The following CPED1 variants were observed in gnomAD, a reference collection of about 807,000 sequenced individuals.
CPED1 encodes cadherin like and PC-esterase domain containing 1.
Under a neutral mutation model 128.2 loss-of-function variants are expected in CPED1, and 114 were observed. The observed-to-expected ratio is 0.89, with a 90% CI of 0.76 to 1.04. The LOEUF is 1.04. Among genes scored for constraint, CPED1 ranks in the 50% least tolerant of loss-of-function variants. The pLI, the probability that CPED1 is intolerant of heterozygous loss-of-function variation, is 0.00. For missense variants in CPED1, 1,211 were observed against 1,207.1 expected, an observed-to-expected ratio of 1.00 and a Z score of -0.05; for synonymous variants, 462 against 426.7, an observed-to-expected ratio of 1.08 and a Z score of -1.02.
At position 121,015,680 on chromosome 7, in the gene CPED1, G is replaced by C; in HGVS notation, c.265G>C (p.Glu89Gln). ...CTTTTCTTAGGTCAAAGAATCAATG[G>C]AGACACACTTTGGCAGCCATGGCCG... ...QETRKVKESM[E>Q]THFGSHGRRA... Residue 89 changes from glutamate to glutamine, a missense_variant, in exon 3 of 23, where the codon GAG (glutamate) becomes CAG (glutamine). Glu to Gln is a conservative substitution (Grantham distance 29). Transcript: ENST00000310396. 6.3e-7 allele frequency: 1 copy of C among 1,599,684 alleles called. No individual in the cohort carries two copies. The highest frequency in any genetic ancestry group is 8.5e-7 in the Non-Finnish European group (1 of 1,175,486).
At chr7:121,130,685 A>G (rs560267071) in intron 12 of CPED1, among the ~76,000 whole-genome samples, 1 of 152,056 alleles carries the variant, frequency 6.6e-6, no homozygotes, top group South Asian at 2.1e-4. Flanking sequence ...ATTTATTTAG[A>G]AAGTTTTTGA....
intron 4 of CPED1, among the ~76,000 whole-genome samples, chr7:121,061,509 A>G (rs1793672373): frequency 6.6e-6 from 1 of 152,134 alleles, no homozygotes; most frequent in Non-Finnish European, 1.5e-5. Context: ...CACATGGCCC[A>G]CTCTGGTGGG....
chr7:121,275,515 T>A (rs1020694163), intron 22 of CPED1, among the ~76,000 whole-genome samples: 2 of 152,164 alleles, frequency 1.3e-5, no homozygotes, highest in Non-Finnish European at 2.9e-5. Flanking sequence ...TACAATAATG[T>A]TATCAACACA....
chr7:121,102,872 C>T (rs1172667124), intron 7 of CPED1, among the ~76,000 whole-genome samples: 1 of 152,146 alleles, frequency 6.6e-6, no homozygotes, highest in African/African-American at 2.4e-5. Context: ...GCTCTAGACT[C>T]CCTTTCAAAG....
intron 16 of CPED1, among the ~76,000 whole-genome samples, chr7:121,177,841 A>G (rs142522684): frequency 1.4e-3 from 216 of 152,134 alleles, no homozygotes; most frequent in African/African-American, 4.6e-3. Flanking sequence ...TTCTATTCTT[A>G]TGACCAGGGG....
chr7:121,233,327 G>A (rs1168008434), intron 16 of CPED1, among the ~76,000 whole-genome samples: 1 of 152,020 alleles, frequency 6.6e-6, no homozygotes, highest in African/African-American at 2.4e-5. Flanking sequence ...ACAGAACTCT[G>A]CTAAATACTA....
chr7:121,269,125 A>G (rs1792187328), intron 21 of CPED1, among the ~76,000 whole-genome samples: 3 of 152,032 alleles, frequency 2.0e-5, no homozygotes, highest in Admixed American at 6.6e-5. Flanking sequence ...CAAGCGTAGT[A>G]TCTAATAGGT....
rs751937852 is a variant in CPED1 at position 121,097,760 on chromosome 7, T to C, written c.678T>C (p.Ser226=). 3 of 1,613,740 alleles carry C rather than the reference T, an allele frequency of 1.9e-6. No individual in the cohort carries two copies. Among genetic ancestry groups the C allele is most frequent in the Non-Finnish European group, 1.7e-6 (2 of 1,179,822 alleles). Residue 226 remains serine, a synonymous_variant, in exon 6 of 23, where the codon AGT becomes AGC. Coordinates refer to ENST00000310396, the MANE Select transcript of CPED1 (RefSeq NM_024913.5). ...ATCAGGGAATGCAATTAAAGCCGAG[T>C]ACTTCGAGTCACCTTTTAAAAACAG... The part of the protein sequence containing the change: ...CLDQGMQLKP[S]TSSHLLKTVK...
chr7:121,218,162 T>TTC (rs1481596785), intron 16 of CPED1, among the ~76,000 whole-genome samples: 2 of 151,350 alleles, frequency 1.3e-5, no homozygotes, highest in Non-Finnish European at 2.9e-5. Context: ...TTTTTTTTTT[T>TTC]TTTTGTATTT....
chr7:121,201,681 T>A (rs1316330852), intron 16 of CPED1, among the ~76,000 whole-genome samples: 3 of 152,072 alleles, frequency 2.0e-5, no homozygotes, highest in Non-Finnish European at 4.4e-5. Flanking sequence ...GAATCTAATT[T>A]CTGAATGCAG....
intron 2 of CPED1, among the ~76,000 whole-genome samples, chr7:121,008,172 T>C (rs1359959659): frequency 6.6e-6 from 1 of 152,110 alleles, no homozygotes; most frequent in East Asian, 1.9e-4. Flanking sequence ...AAGTCCAGTT[T>C]TCCTCATCTG....
intron 2 of CPED1, among the ~76,000 whole-genome samples, chr7:120,999,245 C>A (rs768930373): frequency 6.6e-6 from 1 of 152,166 alleles, no homozygotes; most frequent in Non-Finnish European, 1.5e-5. Context: ...ACTGTACTAT[C>A]TCTTGGACTT....
At chr7:121,116,058 T>C (rs142692748) in intron 7 of CPED1, among the ~76,000 whole-genome samples, 1 of 152,322 alleles carries the variant, frequency 6.6e-6, no homozygotes, top group East Asian at 1.9e-4. Flanking sequence ...TTTTATTCTA[T>C]TCACAGCCTT....
intron 17 of CPED1, among the ~76,000 whole-genome samples, chr7:121,240,962 T>C (rs929877585): frequency 5.3e-5 from 8 of 151,986 alleles, no homozygotes; most frequent in African/African-American, 1.7e-4. Context: ...ATATCAAAGA[T>C]GTGGAGGAGG....
intron 16 of CPED1, among the ~76,000 whole-genome samples, chr7:121,158,976 TAAC>T (rs529548262): frequency 6.6e-6 from 1 of 152,152 alleles, no homozygotes; most frequent in Non-Finnish European, 1.5e-5. Context: ...CTTTTAACCA[TAAC>T]AATAATAATT....
chr7:121,224,312 T>C (rs1279326274), intron 16 of CPED1, among the ~76,000 whole-genome samples: 3 of 152,220 alleles, frequency 2.0e-5, no homozygotes, highest in Non-Finnish European at 4.4e-5. Flanking sequence ...GATTGCACTG[T>C]GGTCTGAGAG....
At chr7:121,186,308 A>G (rs1219858956) in intron 16 of CPED1, among the ~76,000 whole-genome samples, 1 of 152,198 alleles carries the variant, frequency 6.6e-6, no homozygotes. Context: ...GGGAATTTAT[A>G]GAAAGCTGCT....
chr7:121,179,041 G>A (rs1450549500), intron 16 of CPED1, among the ~76,000 whole-genome samples: 4 of 152,076 alleles, frequency 2.6e-5, no homozygotes, highest in Admixed American at 6.6e-5. Context: ...AGAGATATGG[G>A]AGGAGAACAA....
At chr7:121,187,854 T>C (rs967402456) in intron 16 of CPED1, among the ~76,000 whole-genome samples, 3 of 152,074 alleles carry the variant, frequency 2.0e-5, no homozygotes, top group Non-Finnish European at 4.4e-5. Flanking sequence ...TTGGAAAACA[T>C]AGACTTTATT....
Sources: allele counts gnomAD v4.1 joint callset (sites outside exome capture counted in the v4.1 genomes callset), GRCh38; gene constraint gnomAD v4.1.1; transcripts MANE v1.5; gene names NCBI Gene and HGNC (gene_info 2026-07-23, HGNC 2026-07-21).